Variants in BDP1 observed in about 807,000 individuals in gnomAD.
BDP1 encodes the protein BDP1 general transcription factor IIIB subunit.
In BDP1, 169 loss-of-function variants were observed where a neutral mutation model predicts 266.6. That is an observed-to-expected ratio of 0.63 (90% CI 0.56 to 0.72). BDP1 has a LOEUF of 0.72. BDP1 is among the 30% of genes least tolerant of loss of function. BDP1 has a pLI of 0.00. For synonymous variants in BDP1, 1,090 were observed against 1,022.4 expected, an observed-to-expected ratio of 1.07 and a Z score of -1.26; for missense variants, 3,015 against 3,053.8, an observed-to-expected ratio of 0.99 and a Z score of 0.30.
chr5:71,517,691 T>G (rs1765292674), intron 22 of BDP1, among the ~76,000 whole-genome samples: 1 of 152,164 alleles, frequency 6.6e-6, no homozygotes, highest in African/African-American at 2.4e-5. Flanking sequence ...CTCTGAAAAG[T>G]TTGACAAGCA....
chr5:71,545,282 G>C, intron 32 of BDP1, 63 bp downstream of exon 32: 1 of 1,340,418 alleles, frequency 7.5e-7, no homozygotes, highest in Non-Finnish European at 1.0e-6. Context: ...AAAAAAAAAA[G>C]GTATAATTTA....
At position 71,466,079 on chromosome 5, in the gene BDP1, A is replaced by C. The variant is rs1761889542; in HGVS notation, c.660-17A>C. 3 of 1,610,054 alleles carry C rather than the reference A, an allele frequency of 1.9e-6. No homozygotes were observed. Among genetic ancestry groups the C allele is most frequent in the Non-Finnish European group, 1.7e-6 (2 of 1,178,546 alleles). The stretch of plus-strand genomic sequence containing the variant: ...TTTTCATGCCTTTGTGAATTAACTT[A>C]TCTTTATATGTGGTAGGCAAGAAGG... On this transcript the variant is annotated splice_polypyrimidine_tract_variant and intron_variant, in intron 4 of 38. Transcript: ENST00000358731.
intron 34 of BDP1, among the ~76,000 whole-genome samples, chr5:71,552,444 G>A (rs1252594549): frequency 5.3e-5 from 8 of 152,134 alleles, no homozygotes; most frequent in African/African-American, 1.9e-4. Context: ...CTGCAATCTC[G>A]GCACTTTGGG....
chr5:71,575,758 G>C, the BDP1 span, among the ~76,000 whole-genome samples: 1 of 151,512 alleles, frequency 6.6e-6, no homozygotes, highest in Non-Finnish European at 1.5e-5. Flanking sequence ...TTACCCCAAG[G>C]CATGCTTAAC....
chr5:71,491,069 C>T lies in BDP1; in HGVS notation c.1578C>T (p.Gly526=). The T allele has an allele frequency of 1.2e-6, 2 of 1,614,018 alleles. No homozygotes were observed. The highest frequency in any genetic ancestry group is 1.7e-6 in the Non-Finnish European group (2 of 1,179,950). ...QMLSCTQNID[G]IVGFASTEKV... ...TTTCCTGCACACAAAACATAGATGG[C>T]ATTGTGGGTTTTGCCTCCACTGAAA... Residue 526 remains glycine (G), a synonymous_variant, in exon 11 of 39, where the codon GGC becomes GGT. Coordinates refer to ENST00000358731, the MANE Select transcript of BDP1 (RefSeq NM_018429.3).
In BDP1 at chr5:71,489,679, A is replaced by G. The variant is rs1233977222; in HGVS notation, c.1489A>G (p.Lys497Glu). 2 of 1,600,726 alleles carry G rather than the reference A, an allele frequency of 1.2e-6. No individual in the cohort carries two copies. Among genetic ancestry groups the G allele is most frequent in the Non-Finnish European group, 1.7e-6 (2 of 1,176,312 alleles). Residue 497 changes from lysine to glutamate, a missense_variant, in exon 10 of 39, where the codon AAG becomes GAG. Lys to Glu is a moderately conservative substitution (Grantham distance 56). Around this residue, in one of 3 missense-constraint regions of BDP1, gnomAD observed 2,383 missense variants for 2,404.9 expected, o/e 0.99. Coordinates refer to ENST00000358731, the MANE Select transcript of BDP1 (RefSeq NM_018429.3). ...QAGPSKGEKH[K>E]NKCQAIRPEL... The stretch of plus-strand genomic sequence containing the variant: ...GGGTCCTTCTAAAGGAGAAAAACAC[A>G]AGAGTAAGTTTCTTACATATTTAAA...
chr5:71,483,873 G>C lies in BDP1; in HGVS notation c.1046G>C (p.Gly349Ala), dbSNP rs1029798481. 6.2e-7 allele frequency: 1 copy of C among 1,611,316 alleles called. No homozygotes were observed. Among genetic ancestry groups the C allele is most frequent in the African/African-American group, 1.3e-5 (1 of 74,958 alleles). ...NKFKREEKTN[G>A]WRIDKAFQEK... ...TTTAAACGGGAAGAGAAAACAAATG[G>C]ATGGAGAATAGACAAAGCATTCCGT... The change falls in exon 8 of 39, where the codon GGA (glycine) becomes GCA (alanine). Residue 349 changes from glycine to alanine, a missense_variant. Physicochemically the swap from Gly to Ala is moderately conservative, Grantham distance 60. Coordinates refer to ENST00000358731, the MANE Select transcript of BDP1 (RefSeq NM_018429.3).
At chr5:71,508,564 A>G (rs1399315487) in intron 16 of BDP1, among the ~76,000 whole-genome samples, 1 of 151,860 alleles carries the variant, frequency 6.6e-6, no homozygotes, top group Non-Finnish European at 1.5e-5. Flanking sequence ...GAGTACAGGC[A>G]TGAAGCATCA....
chr5:71,550,832 A>G (rs1465454218), intron 34 of BDP1, among the ~76,000 whole-genome samples: 1 of 152,058 alleles, frequency 6.6e-6, no homozygotes, highest in Non-Finnish European at 1.5e-5. Flanking sequence ...AAGCCTCCCA[A>G]GTAGCTGGGA....
intron 7 of BDP1, among the ~76,000 whole-genome samples, chr5:71,473,724 A>G (rs1325209534): frequency 1.3e-5 from 2 of 152,110 alleles, no homozygotes; most frequent in Non-Finnish European, 2.9e-5. Flanking sequence ...ACATGTGCAC[A>G]ACGTGCAGAT....
chr5:71,483,551 T>C (rs1328749894), intron 7 of BDP1, among the ~76,000 whole-genome samples: 1 of 152,242 alleles, frequency 6.6e-6, no homozygotes, highest in Non-Finnish European at 1.5e-5. Context: ...AGCTTAGTCA[T>C]AGGTTTGATC....
downstream of BDP1, among the ~76,000 whole-genome samples, chr5:71,571,208 G>A (rs1038193603): frequency 5.9e-5 from 9 of 152,102 alleles, no homozygotes; most frequent in Admixed American, 5.9e-4. Flanking sequence ...GCAGTGGCAC[G>A]ATCTCAGCTC....
intron 26 of BDP1, among the ~76,000 whole-genome samples, chr5:71,537,158 A>ACC (rs1346241476): frequency 3.3e-5 from 5 of 150,646 alleles, no homozygotes; most frequent in East Asian, 3.9e-4. Context: ...CCAAAAAAAA[A>ACC]AAAAAAAAAA....
chr5:71,522,345 A>G lies in BDP1; in HGVS notation c.5048A>G (p.Gln1683Arg). The G allele has an allele frequency of 6.2e-7, 1 of 1,614,076 alleles. No individual in the cohort carries two copies. Among genetic ancestry groups the G allele is most frequent in the Non-Finnish European group, 8.5e-7 (1 of 1,179,988 alleles). The change falls in exon 23 of 39, where the codon CAA becomes CGA. Residue 1683 changes from glutamine (Q) to arginine (R), a missense_variant. Physicochemically the swap from Gln to Arg is conservative, Grantham distance 43 (BLOSUM62 1). Around this residue, in one of 3 missense-constraint regions of BDP1, gnomAD observed 2,383 missense variants for 2,404.9 expected, o/e 0.99. Coordinates refer to ENST00000358731, the MANE Select transcript of BDP1 (RefSeq NM_018429.3). ...GCACAAATGACAAGAAGGAAATTCC[A>G]AAAGGCTAAGCCAAATTTGGGAAGA... ...SSAQMTRRKF[Q>R]KAKPNLGRAH...
At chr5:71,514,124 A>G (rs934551471) in intron 19 of BDP1, among the ~76,000 whole-genome samples, 16 of 152,324 alleles carry the variant, frequency 1.1e-4, no homozygotes, top group African/African-American at 3.4e-4. Context: ...AACTTGGTCC[A>G]TAACAGATTA....
intron 15 of BDP1, among the ~76,000 whole-genome samples, chr5:71,504,260 A>G (rs12652916): frequency 0.3 from 44,354 of 145,594 alleles, 7,729 homozygotes; most frequent in East Asian, 0.51. Flanking sequence ...GCGACCGAGC[A>G]AGACTCCGTC....
At chr5:71,458,902 AG>A in intron 2 of BDP1, 47 bp downstream of exon 2, 2 of 1,543,278 alleles carry the variant, frequency 1.3e-6, no homozygotes, top group Non-Finnish European at 8.7e-7. Context: ...TATTTATGTT[AG>A]TAAGGAATCA....
Position 71,532,323 on chromosome 5 carries a change from A to AC in BDP1, c.5788_5789insC (p.Asn1930ThrfsTer12). 2 of 1,613,448 alleles carry AC rather than the reference A, an allele frequency of 1.2e-6. No homozygotes were observed. Among genetic ancestry groups the AC allele is most frequent in the African/African-American group, 2.7e-5 (2 of 75,030 alleles). On this transcript the variant is annotated frameshift_variant, in exon 26 of 39. Transcript: ENST00000358731. LOFTEE classifies it high-confidence loss of function. ...ATTTTGACAGCTTGAAATAACTGTGAATGTCCCAGATGTAGGATGCATAGC... is the reference window on the plus strand; with the variant it reads ...ATTTTGACAGCTTGAAATAACTGTGACATGTCCCAGATGTAGGATGCATAGC...
intron 16 of BDP1, among the ~76,000 whole-genome samples, chr5:71,507,645 C>G (rs1488784944): frequency 6.6e-6 from 1 of 152,190 alleles, no homozygotes; most frequent in Non-Finnish European, 1.5e-5. Flanking sequence ...ACAGTAATCT[C>G]ACTAAAAGCT....
Sources: gnomAD v4.1 joint callset for allele counts (sites outside exome capture counted in the v4.1 genomes callset) on GRCh38, gnomAD v4.1.1 for gene constraint, gnomAD v4.1.1 regional missense constraint, MANE v1.5 for transcripts, NCBI Gene and HGNC (gene_info 2026-07-23, HGNC 2026-07-21) for gene names.